Variants in LIMCH1 observed in about 807,000 individuals in gnomAD.
LIMCH1 encodes LIM and calponin homology domains-containing protein 1.
A neutral mutation model predicts 176.5 loss-of-function variants in LIMCH1; 113 were observed. The ratio of observed to expected loss-of-function variants is 0.64; its 90% CI spans 0.55 to 0.75. The LOEUF (loss-of-function observed/expected upper bound fraction) is 0.75. Among genes scored for constraint, LIMCH1 ranks in the 30% least tolerant of loss-of-function variants. The pLI, the probability that LIMCH1 is intolerant of heterozygous loss-of-function variation, is 0.00. For missense variants in LIMCH1, 1,674 were observed against 1,814.9 expected (o/e 0.92, Z 1.41); for synonymous variants, 619 against 645.9 (o/e 0.96, Z 0.63).
intron 8 of LIMCH1, among the ~76,000 whole-genome samples, chr4:41,628,547 A>G (rs2093124103): frequency 6.6e-6 from 1 of 152,158 alleles, no homozygotes; most frequent in Admixed American, 6.5e-5. Flanking sequence ...CAAATCATCA[A>G]GGTAACAAAA....
intron 31 of LIMCH1, among the ~76,000 whole-genome samples, chr4:41,696,342 G>T (rs1009621756): frequency 6.6e-6 from 1 of 152,102 alleles, no homozygotes; most frequent in African/African-American, 2.4e-5. Flanking sequence ...CTTGTGAAAC[G>T]CATTTAATGC....
chr4:41,515,130 C>T (rs866320997), intron 2 of LIMCH1, among the ~76,000 whole-genome samples: 2 of 152,204 alleles, frequency 1.3e-5, no homozygotes, highest in African/African-American at 2.4e-5. Flanking sequence ...ATCCTCAGGA[C>T]GGCAAGTGAG....
At chr4:41,382,305 C>T (rs1182499459) in intron 1 of LIMCH1, among the ~76,000 whole-genome samples, 1 of 150,046 alleles carries the variant, frequency 6.7e-6, no homozygotes, top group Non-Finnish European at 1.5e-5. Flanking sequence ...GTGTGAAGTA[C>T]AGACGAGGCT....
intron 31 of LIMCH1, chr4:41,692,641 A>G: frequency 5.6e-6 from 2 of 359,250 alleles, no homozygotes; most frequent in Non-Finnish European, 1.0e-5. Context: ...GCCTGAGCTC[A>G]CTACAGAGAT....
chr4:41,392,091 G>A (rs1389236677), intron 1 of LIMCH1, among the ~76,000 whole-genome samples: 1 of 152,060 alleles, frequency 6.6e-6, no homozygotes, highest in African/African-American at 2.4e-5. Flanking sequence ...AACATGTCAG[G>A]TTTTCTTCCA....
intron 22 of LIMCH1, among the ~76,000 whole-genome samples, chr4:41,675,279 T>TG (rs1351625415): frequency 1.6e-4 from 24 of 151,908 alleles, no homozygotes; most frequent in Admixed American, 1.6e-3. Flanking sequence ...GTGGATCTGT[T>TG]GGGGGCCAGG....
chr4:41,573,869 T>C (rs1293794301), intron 1 of LIMCH1, among the ~76,000 whole-genome samples: 1 of 152,138 alleles, frequency 6.6e-6, no homozygotes, highest in African/African-American at 2.4e-5. Context: ...CAAGGGGAGA[T>C]ACTGGATTAT....
At chr4:41,599,774 G>A (rs2089593114) in intron 2 of LIMCH1, among the ~76,000 whole-genome samples, 1 of 152,202 alleles carries the variant, frequency 6.6e-6, no homozygotes, top group African/African-American at 2.4e-5. Flanking sequence ...GATAGGGTCT[G>A]TGAATAGGTA....
intron 1 of LIMCH1, among the ~76,000 whole-genome samples, chr4:41,563,700 G>C (rs1337594071): frequency 1.3e-5 from 2 of 152,144 alleles, no homozygotes; most frequent in Admixed American, 6.6e-5. Flanking sequence ...AACAAGTATT[G>C]CTTGTGAATG....
intron 1 of LIMCH1, among the ~76,000 whole-genome samples, chr4:41,387,697 AAG>A: frequency 6.6e-6 from 1 of 152,390 alleles, no homozygotes; most frequent in Middle Eastern, 3.4e-3. Flanking sequence ...AGTTTAGTGA[AAG>A]AGATATACTC....
chr4:41,379,517 C>T (rs865864304), intron 1 of LIMCH1, among the ~76,000 whole-genome samples: 5 of 152,250 alleles, frequency 3.3e-5, no homozygotes, highest in Non-Finnish European at 5.9e-5. Context: ...TAAGTACAGC[C>T]CACACCCAAG....
At chr4:41,538,805 C>A (rs2078253453) in intron 1 of LIMCH1, among the ~76,000 whole-genome samples, 1 of 152,030 alleles carries the variant, frequency 6.6e-6, no homozygotes, top group Non-Finnish European at 1.5e-5. Flanking sequence ...GACTCCACAG[C>A]CCCCTTTGCT....
chr4:41,428,677 A>G (rs2061333913), intron 1 of LIMCH1, among the ~76,000 whole-genome samples: 1 of 152,260 alleles, frequency 6.6e-6, no homozygotes. Flanking sequence ...TCCCAGCCCC[A>G]GAAATGCACA....
intron 1 of LIMCH1, among the ~76,000 whole-genome samples, chr4:41,555,164 A>G (rs2081068223): frequency 6.6e-6 from 1 of 152,216 alleles, no homozygotes; most frequent in Non-Finnish European, 1.5e-5. Context: ...TGCAAAAAGC[A>G]GGTTTCTGTT....
At chr4:41,586,026 A>G (rs6816100) in intron 1 of LIMCH1, among the ~76,000 whole-genome samples, 11 of 111,894 alleles carry the variant, frequency 9.8e-5, no homozygotes, top group Non-Finnish European at 1.7e-4. Context: ...TTCTCTTCTC[A>G]TCTCCTCTCT....
At chr4:41,584,672 T>G (rs1172840559) in intron 1 of LIMCH1, among the ~76,000 whole-genome samples, 2 of 149,690 alleles carry the variant, frequency 1.3e-5, no homozygotes, top group Non-Finnish European at 2.9e-5. Context: ...TTTATTGCTG[T>G]TTTTTTTGTT....
In LIMCH1 at chr4:41,629,518, A is replaced by G. The variant is rs2093185668; in HGVS notation, c.1055A>G (p.Lys352Arg). The G allele has an allele frequency of 3.3e-6, 5 of 1,536,072 alleles. No individual in the cohort carries two copies. Among genetic ancestry groups the G allele is most frequent in the Non-Finnish European group, 4.4e-6 (5 of 1,146,890 alleles). The change falls in exon 9 of 32, where the codon AAG (lysine) becomes AGG (arginine). Residue 352 changes from lysine to arginine, a missense_variant. Physicochemically the swap from Lys to Arg is conservative, Grantham distance 26 (BLOSUM62 2). Around this residue, in one of 3 missense-constraint regions of LIMCH1, gnomAD observed 655 missense variants for 692.2 expected, o/e 0.95. Transcript: ENST00000503057. ...KRNQGHTEEV[K>R]LIVTCNMRAQ... ...AACCAGGGCCACACAGAAGAGGTGA[A>G]GTTGATAGTGACCTGTAACATGAGG...
At chr4:41,418,732 A>G (rs1409050238) in intron 1 of LIMCH1, 1 of 152,112 alleles carries the variant, frequency 6.6e-6, no homozygotes, top group Non-Finnish European at 1.5e-5. Flanking sequence ...CCAAATTCCA[A>G]TTTTAGAATG....
intron 1 of LIMCH1, among the ~76,000 whole-genome samples, chr4:41,480,616 A>G (rs1202526045): frequency 6.6e-6 from 1 of 152,174 alleles, no homozygotes; most frequent in Non-Finnish European, 1.5e-5. Context: ...AAAAAAGCCA[A>G]CAACTAAAAT....
Sources: allele counts gnomAD v4.1 joint callset (sites outside exome capture counted in the v4.1 genomes callset), GRCh38; gene constraint gnomAD v4.1.1; regional missense constraint gnomAD v4.1.1; transcripts MANE v1.5; gene names NCBI Gene and HGNC (gene_info 2026-07-23, HGNC 2026-07-21).